Variants in KCNJ4 observed in about 807,000 individuals in gnomAD.
KCNJ4 encodes potassium inwardly rectifying channel subfamily J member 4.
KCNJ4 carries 3 observed loss-of-function variants against 25.6 expected under a neutral mutation model. That is an observed-to-expected ratio of 0.12 (90% CI 0.05 to 0.30). The LOEUF is 0.30. Among genes scored for constraint, KCNJ4 ranks in the 10% least tolerant of loss-of-function variants. The probability of loss-of-function intolerance (pLI) is 1.00; values close to 1 mark genes in which losing one functional copy is unlikely to be tolerated. For missense variants in KCNJ4, 286 were observed against 666.8 expected (o/e 0.43, Z 6.29); for synonymous variants, 257 against 283.9 (o/e 0.91, Z 0.95).
chr22:38,434,061 C>T lies in KCNJ4; in HGVS notation c.-39-5890G>A, dbSNP rs150644334. ...CCACTGACCAGAGACACCATGGCCA[C>T]TGCAGGGGCACCTCCGCCAGGCCCT... On this transcript the variant is annotated intron_variant, in intron 1 of 1. Transcript: ENST00000303592. Among the ~76,000 whole-genome samples the T allele has an allele frequency of 2.3e-3, 343 of 152,316 alleles. 1 individual carries two copies. Among genetic ancestry groups the T allele is most frequent in the Middle Eastern group, 0.01 (3 of 294 alleles).
intron 1 of KCNJ4, among the ~76,000 whole-genome samples, chr22:38,446,746 A>C (rs978066978): frequency 6.6e-6 from 1 of 152,164 alleles, no homozygotes; most frequent in Non-Finnish European, 1.5e-5. Flanking sequence ...CATGAGGGTC[A>C]GGAGTTCGAG....
intron 1 of KCNJ4, among the ~76,000 whole-genome samples, chr22:38,432,467 C>T (rs1569119663): frequency 6.6e-6 from 1 of 152,040 alleles, no homozygotes; most frequent in Non-Finnish European, 1.5e-5. Context: ...GGTGGAGAGG[C>T]CCTCTGTCAC....
chr22:38,428,174 G>A lies in KCNJ4; in HGVS notation c.-39-3C>T. ...GGTCACCTGGGAAGACGCAGGGCCTGCGGAGGAGAAGCCGGACAGGTGAGA... is the reference window on the plus strand; with the variant it reads ...GGTCACCTGGGAAGACGCAGGGCCTACGGAGGAGAAGCCGGACAGGTGAGA... On this transcript the variant is annotated splice_polypyrimidine_tract_variant and splice_region_variant and intron_variant, in intron 1 of 1. Transcript: ENST00000303592. The A allele has an allele frequency of 6.4e-7, 1 of 1,572,798 alleles. No individual in the cohort carries two copies. The highest frequency in any genetic ancestry group is 8.6e-7 in the Non-Finnish European group (1 of 1,158,902).
At chr22:38,452,433 AG>A (rs1178251668) in intron 1 of KCNJ4, among the ~76,000 whole-genome samples, 1 of 152,170 alleles carries the variant, frequency 6.6e-6, no homozygotes, top group Admixed American at 6.5e-5. Flanking sequence ...CGCTGCCCCC[AG>A]AAGCCCCCGA....
At chr22:38,431,293 G>A (rs554563452) in intron 1 of KCNJ4, among the ~76,000 whole-genome samples, 21 of 152,150 alleles carry the variant, frequency 1.4e-4, no homozygotes, top group Non-Finnish European at 2.5e-4. Context: ...TAAGGGAGCC[G>A]ATCCCCTGAT....
At chr22:38,428,280 C>T in intron 1 of KCNJ4, 109 bp from the exon 2 acceptor site, 1 of 1,016,220 alleles carries the variant, frequency 9.8e-7, no homozygotes, top group Non-Finnish European at 1.4e-6. Context: ...TGGACCAGGA[C>T]CTAAGACTTC....
In KCNJ4 at chr22:38,449,368, G is replaced by C. The variant is rs1025979494; in HGVS notation, c.-40+5612C>G. On this transcript the variant is annotated intron_variant, in intron 1 of 1. Coordinates refer to ENST00000303592, the MANE Select transcript of KCNJ4 (RefSeq NM_152868.3). This position sits in a 1 kb window ranked among gnomAD's most constrained non-coding sequence, Gnocchi z 5.2. ...TCTCATCTGAGAAGTGGGGGTGATG[G>C]TTCTCCCAGGGTGGTGGAGGATTAA... Among the ~76,000 whole-genome samples, 1 of 152,126 alleles carries C rather than the reference G, an allele frequency of 6.6e-6. No homozygotes were observed. Among genetic ancestry groups the C allele is most frequent in the East Asian group, 1.9e-4 (1 of 5,186 alleles).
chr22:38,437,774 G>A (rs541524444), intron 1 of KCNJ4, among the ~76,000 whole-genome samples: 6 of 152,288 alleles, frequency 3.9e-5, no homozygotes, highest in South Asian at 4.2e-4. Flanking sequence ...GAGTCTGTCC[G>A]GAGAACTGTA....
intron 1 of KCNJ4, among the ~76,000 whole-genome samples, chr22:38,437,476 C>T (rs978210839): frequency 2.0e-5 from 3 of 152,224 alleles, no homozygotes; most frequent in African/African-American, 4.8e-5. Context: ...GCAGGTGGGG[C>T]TTCAACACCC....
chr22:38,437,502 G>T (rs1052379639), intron 1 of KCNJ4, among the ~76,000 whole-genome samples: 1 of 152,190 alleles, frequency 6.6e-6, no homozygotes, highest in Non-Finnish European at 1.5e-5. Flanking sequence ...CCTGGCTGGG[G>T]CTTCCACTCA....
chr22:38,444,384 C>T (rs779882714), intron 1 of KCNJ4, among the ~76,000 whole-genome samples: 6 of 152,168 alleles, frequency 3.9e-5, no homozygotes, highest in Admixed American at 6.5e-5. Context: ...AACTTCCCAG[C>T]GGAGGTGGCC....
chr22:38,448,568 A>G (rs1487750054), intron 1 of KCNJ4, among the ~76,000 whole-genome samples: 2 of 152,112 alleles, frequency 1.3e-5, no homozygotes, highest in Non-Finnish European at 2.9e-5. Context: ...AGGAGCTTAA[A>G]GAGACCCAGA....
rs138056907 is a variant in KCNJ4 at position 38,427,323 on chromosome 22, C to T, written c.810G>A (p.Pro270=). The change falls in exon 2 of 2, where the codon CCG becomes CCA. Residue 270 remains proline, a synonymous_variant. Coordinates refer to ENST00000303592, the MANE Select transcript of KCNJ4 (RefSeq NM_152868.3). ...IIVHEIDEDS[P]LYGMGKEELE... The stretch of plus-strand genomic sequence containing the variant: ...GCTCCTCCTTGCCCATGCCATAAAG[C>T]GGGCTGTCCTCGTCGATCTCGTGGA... 18 of 1,613,900 alleles carry T rather than the reference C, an allele frequency of 1.1e-5. No individual in the cohort carries two copies. The highest frequency in any genetic ancestry group is 1.7e-5 in the Admixed American group (1 of 59,996).
intron 1 of KCNJ4, among the ~76,000 whole-genome samples, chr22:38,431,258 C>A (rs1462228278): frequency 1.3e-5 from 2 of 152,200 alleles, no homozygotes; most frequent in Non-Finnish European, 2.9e-5. Context: ...CCTGGACTTC[C>A]CCACCTCTGG....
chr22:38,434,703 C>G (rs777356188), intron 1 of KCNJ4, among the ~76,000 whole-genome samples: 1 of 152,150 alleles, frequency 6.6e-6, no homozygotes, highest in Non-Finnish European at 1.5e-5. Context: ...GGCTCTCTGA[C>G]CCTGCTACTC....
intron 1 of KCNJ4, among the ~76,000 whole-genome samples, chr22:38,434,237 A>G (rs1391030693): frequency 6.6e-6 from 1 of 151,758 alleles, no homozygotes; most frequent in African/African-American, 2.4e-5. Context: ...CGAGGTGACT[A>G]TTATTGGGTG....
At chr22:38,444,195 C>G (rs926770031) in intron 1 of KCNJ4, among the ~76,000 whole-genome samples, 4 of 152,188 alleles carry the variant, frequency 2.6e-5, no homozygotes, top group African/African-American at 9.7e-5. Flanking sequence ...CAGGCAGGAA[C>G]CTTGCCTCCC....
intron 1 of KCNJ4, among the ~76,000 whole-genome samples, chr22:38,441,970 T>C (rs950248571): frequency 6.6e-6 from 1 of 152,192 alleles, no homozygotes; most frequent in Non-Finnish European, 1.5e-5. Context: ...GTGAGTATAG[T>C]AGCTACCATT....
intron 1 of KCNJ4, among the ~76,000 whole-genome samples, chr22:38,441,740 C>A (rs550803369): frequency 6.6e-6 from 1 of 152,314 alleles, no homozygotes; most frequent in African/African-American, 2.4e-5. Context: ...TGGGTGGTAT[C>A]GCCTGTGACG....
Sources: gnomAD v4.1 joint callset for allele counts (sites outside exome capture counted in the v4.1 genomes callset) on GRCh38, gnomAD v4.1.1 for gene constraint, Gnocchi (gnomAD v3.1) non-coding constraint, MANE v1.5 for transcripts, NCBI Gene and HGNC (gene_info 2026-07-23, HGNC 2026-07-21) for gene names.